The following PHTF1 variants were observed in gnomAD, a reference collection of about 807,000 sequenced individuals.
PHTF1 encodes the protein putative homeodomain transcription factor 1, also known as protein PHTF1.
Under a neutral mutation model 102.4 loss-of-function variants are expected in PHTF1, and 88 were observed. That is an observed-to-expected ratio of 0.86 (90% confidence interval 0.72 to 1.03). The LOEUF (loss-of-function observed/expected upper bound fraction) is 1.03. Ranked by LOEUF, PHTF1 falls within the 50% of genes least tolerant of loss-of-function variation. The pLI is 0.00. For missense variants in PHTF1, 814 were observed against 909.5 expected (o/e 0.89, Z 1.35); for synonymous variants, 289 against 305.2 (o/e 0.95, Z 0.55).
intron 3 of PHTF1, among the ~76,000 whole-genome samples, chr1:113,752,453 G>A (rs1310313879): frequency 2.4e-5 from 3 of 125,982 alleles, no homozygotes; most frequent in Non-Finnish European, 4.7e-5. Flanking sequence ...AGGCTGGAGT[G>A]CAGTGGCGCG....
chr1:113,745,492 G>A (rs576841426), intron 3 of PHTF1, among the ~76,000 whole-genome samples: 1 of 152,244 alleles, frequency 6.6e-6, no homozygotes, highest in African/African-American at 2.4e-5. Flanking sequence ...GACTATATCA[G>A]GGGTCTCCAA....
chr1:113,712,657 C>T (rs2101190455), intron 8 of PHTF1, among the ~76,000 whole-genome samples: 1 of 152,308 alleles, frequency 6.6e-6, no homozygotes, highest in African/African-American at 2.4e-5. Context: ...TCTACTTAAA[C>T]CTACAAAATA....
intron 5 of PHTF1, among the ~76,000 whole-genome samples, chr1:113,730,387 A>G (rs1007808976): frequency 6.6e-6 from 1 of 152,252 alleles, no homozygotes; most frequent in African/African-American, 2.4e-5. Flanking sequence ...ATCAATACAT[A>G]TTATATGTTA....
chr1:113,741,102 C>A (rs1415803769), intron 3 of PHTF1, among the ~76,000 whole-genome samples: 2 of 152,160 alleles, frequency 1.3e-5, no homozygotes, highest in Non-Finnish European at 2.9e-5. Flanking sequence ...ATTAGATATT[C>A]AATCACTAAA....
At chr1:113,732,438 G>C (rs991138266) in intron 5 of PHTF1, among the ~76,000 whole-genome samples, 1 of 151,964 alleles carries the variant, frequency 6.6e-6, no homozygotes, top group African/African-American at 2.4e-5. Context: ...AGAGGTTGCA[G>C]TGAGCCGAGA....
At chr1:113,711,470 C>T (rs1320892659) in intron 10 of PHTF1, among the ~76,000 whole-genome samples, 1 of 152,092 alleles carries the variant, frequency 6.6e-6, no homozygotes, top group East Asian at 1.9e-4. Context: ...ACTTCATATG[C>T]CAAGTGAATA....
chr1:113,748,653 C>A (rs1657569714), intron 3 of PHTF1, among the ~76,000 whole-genome samples: 1 of 152,138 alleles, frequency 6.6e-6, no homozygotes, highest in Admixed American at 6.5e-5. Context: ...CCCACCTCGG[C>A]CTCCTAAGTA....
chr1:113,700,720 A>C, intron 16 of PHTF1, 74 bp downstream of exon 16: 2 of 1,393,070 alleles, frequency 1.4e-6, no homozygotes, highest in Non-Finnish European at 1.0e-6. Context: ...TAAACCCTGA[A>C]TCCTCTGCAG....
At chr1:113,744,853 G>A (rs1021969700) in intron 3 of PHTF1, among the ~76,000 whole-genome samples, 5 of 152,062 alleles carry the variant, frequency 3.3e-5, no homozygotes, top group Admixed American at 2.6e-4. Context: ...GGAGGCTGAG[G>A]CAGGAGAATT....
intron 8 of PHTF1, 123 bp downstream of exon 8, chr1:113,713,153 TGTG>T (rs150852662): frequency 0.017 from 13,290 of 779,622 alleles, 143 homozygotes; most frequent in African/African-American, 0.025. Flanking sequence ...TTTCATATCC[TGTG>T]GTTTTACTTG....
At chr1:113,739,428 A>T (rs1656006430) in intron 3 of PHTF1, among the ~76,000 whole-genome samples, 3 of 152,132 alleles carry the variant, frequency 2.0e-5, no homozygotes, top group Admixed American at 2.0e-4. Context: ...AAAACAAATA[A>T]CTTCCATCTT....
chr1:113,731,099 T>G (rs1654564995), intron 5 of PHTF1, among the ~76,000 whole-genome samples: 1 of 152,092 alleles, frequency 6.6e-6, no homozygotes, highest in East Asian at 1.9e-4. Context: ...ATGGTTGTAT[T>G]CCAGTATCAG....
intron 6 of PHTF1, among the ~76,000 whole-genome samples, chr1:113,725,131 G>C (rs1239030020): frequency 6.6e-6 from 1 of 151,882 alleles, no homozygotes; most frequent in Non-Finnish European, 1.5e-5. Flanking sequence ...CCGCTATTCA[G>C]AATCTACTAA....
At chr1:113,713,187 T>A (rs1473621585) in intron 8 of PHTF1, 92 bp downstream of exon 8, 1 of 1,105,328 alleles carries the variant, frequency 9.0e-7, no homozygotes, top group East Asian at 2.4e-5. Flanking sequence ...TTTATAAACC[T>A]ACTAGTACCT....
Position 113,706,017 on chromosome 1 carries a change from G to A in PHTF1, c.1544C>T (p.Thr515Ile), listed in dbSNP as rs774226564. 1.9e-6 allele frequency: 3 copies of A among 1,614,136 alleles called. No homozygotes were observed. The highest frequency in any genetic ancestry group is 2.2e-5 in the South Asian group (2 of 91,080). The change falls in exon 13 of 19, where the codon ACT (threonine) becomes ATT (isoleucine). Residue 515 changes from threonine (T) to isoleucine (I), a missense_variant. Physicochemically the swap from Thr to Ile is moderately conservative, Grantham distance 89. Transcript: ENST00000369604. ...AACAGGTGGTGCCCCACAAAAGAGA[G>A]TCAAGATCTCCTCAGCTGAAATGGA... ...LKSISAEEIL[T>I]LFCGAPPVTP...
intron 7 of PHTF1, among the ~76,000 whole-genome samples, chr1:113,720,542 CA>C (rs937764285): frequency 1.2e-4 from 18 of 152,210 alleles, no homozygotes; most frequent in African/African-American, 3.9e-4. Context: ...ATATTATAGC[CA>C]AAAAACAAGT....
chr1:113,709,692 T>C (rs1169196753), intron 11 of PHTF1, among the ~76,000 whole-genome samples: 1 of 152,170 alleles, frequency 6.6e-6, no homozygotes, highest in Admixed American at 6.5e-5. Flanking sequence ...TCATTAGCTA[T>C]TTCACACTAT....
At chr1:113,738,379 T>C in intron 4 of PHTF1, 111 bp from the exon 5 acceptor site, 1 of 748,590 alleles carries the variant, frequency 1.3e-6, no homozygotes, top group South Asian at 2.2e-5. Flanking sequence ...ACAAAACCTG[T>C]TCAGTTAAAA....
At position 113,705,923 on chromosome 1, in the gene PHTF1, GA is replaced by G. The variant is rs750248180; in HGVS notation, c.1637del (p.Phe546SerfsTer2). On this transcript the variant is annotated frameshift_variant, in exon 13 of 19. Coordinates refer to ENST00000369604, the MANE Select transcript of PHTF1 (RefSeq NM_001323043.2). LOFTEE classifies it high-confidence loss of function. Reference sequence around the variant, plus strand: ...ATGTTCTCTCTGCCACACACATCATGAAAAAAAACATCCAAGTAAGACACAA... The same window carrying G: ...ATGTTCTCTCTGCCACACACATCATGAAAAAAACATCCAAGTAAGACACAA... ...ERLCLTWMFF[F>X]MMCVAERTYK... is the part of the protein sequence containing the mutation. The G allele has an allele frequency of 2.5e-6, 4 of 1,612,864 alleles. No individual in the cohort carries two copies. The highest frequency in any genetic ancestry group is 2.2e-5 in the East Asian group (1 of 44,842).
Sources: allele counts gnomAD v4.1 joint callset (sites outside exome capture counted in the v4.1 genomes callset), GRCh38; gene constraint gnomAD v4.1.1; transcripts MANE v1.5; gene names NCBI Gene and HGNC (gene_info 2026-07-23, HGNC 2026-07-21).